The following CIBAR2 variants were observed in gnomAD, a reference collection of about 807,000 sequenced individuals.
The protein encoded by CIBAR2 is CBY1-interacting BAR domain-containing protein 2.
Under a neutral mutation model 36.2 loss-of-function variants are expected in CIBAR2, and 38 were observed. That is an observed-to-expected ratio of 1.05 (90% CI 0.81 to 1.38). The LOEUF (loss-of-function observed/expected upper bound fraction) is 1.38. Among genes scored for constraint, CIBAR2 ranks in the 40% most tolerant of loss-of-function variants. The pLI is 0.00. For synonymous variants in CIBAR2, 182 were observed against 149.5 expected, an observed-to-expected ratio of 1.22 and a Z score of -1.58; for missense variants, 481 against 383.4, an observed-to-expected ratio of 1.25 and a Z score of -2.13.
intron 6 of CIBAR2, among the ~76,000 whole-genome samples, chr16:85,104,651 G>C (rs537976836): frequency 2.7e-4 from 41 of 152,276 alleles, no homozygotes; most frequent in African/African-American, 9.9e-4. Flanking sequence ...GGGAGGCGAA[G>C]GTTGCAGTGA....
intron 7 of CIBAR2, among the ~76,000 whole-genome samples, chr16:85,100,994 C>T (rs912197053): frequency 6.0e-5 from 9 of 151,140 alleles, no homozygotes; most frequent in South Asian, 2.1e-4. Flanking sequence ...TGCAGTGAGC[C>T]GAGATAGTGC....
In CIBAR2 at chr16:85,102,332, G is replaced by T. The variant is rs1377793440; in HGVS notation, c.538-5C>A. The T allele has an allele frequency of 1.3e-6, 2 of 1,567,814 alleles. No homozygotes were observed. Among genetic ancestry groups the T allele is most frequent in the African/African-American group, 2.7e-5 (2 of 73,928 alleles). On this transcript the variant is annotated splice_polypyrimidine_tract_variant and splice_region_variant and intron_variant, in intron 6 of 8. Transcript: ENST00000539556. ...TACAAAGTCACAAAAAAATTTCTGT[G>T]GGGAGAGAAACCCAAAGAATGTAAG...
intron 7 of CIBAR2, 151 bp downstream of exon 7, chr16:85,102,063 G>A (rs2073959647): frequency 1.7e-6 from 1 of 595,426 alleles, no homozygotes; most frequent in Non-Finnish European, 3.0e-6. Context: ...ACCCACCCAG[G>A]GGCAGATATT....
Position 85,108,122 on chromosome 16 carries a change from G to T in CIBAR2, c.256-23C>A, listed in dbSNP as rs1258278258. 4 of 1,593,182 alleles carry T rather than the reference G, an allele frequency of 2.5e-6. No individual in the cohort carries two copies. The African/African-American group carries it at 5.4e-5, about 21-fold the overall frequency. ...GACCTGGGGGAGCGGGGACACCAGG[G>T]GATCTGAGCGCAGGGTGCTGCCTGC... On this transcript the variant is annotated intron_variant, in intron 2 of 8. Coordinates refer to ENST00000539556, the MANE Select transcript of CIBAR2 (RefSeq NM_198491.3).
chr16:85,101,581 G>A (rs545264026), intron 7 of CIBAR2, among the ~76,000 whole-genome samples: 2 of 152,180 alleles, frequency 1.3e-5, no homozygotes, highest in Admixed American at 6.5e-5. Context: ...GATCAGAAGG[G>A]GATAAAAAGC....
In CIBAR2 at chr16:85,112,450, T is replaced by C; in HGVS notation, c.-98A>G. Reference sequence around the variant, plus strand: ...GGAGCCGGGCAGGGCTGGGTGCAGCTGTGTGGCCTGGGCTCAAGGGACGCT... The same window carrying C: ...GGAGCCGGGCAGGGCTGGGTGCAGCCGTGTGGCCTGGGCTCAAGGGACGCT... On this transcript the variant is annotated 5_prime_UTR_variant, in exon 1 of 9. Coordinates refer to ENST00000539556, the MANE Select transcript of CIBAR2 (RefSeq NM_198491.3). 2 of 1,265,706 alleles carry C rather than the reference T, an allele frequency of 1.6e-6. No homozygotes were observed. The highest frequency in any genetic ancestry group is 4.6e-5 in the East Asian group (2 of 43,184). 78.4% of individuals were successfully genotyped at this position (1,265,706 alleles called of 1,614,324 possible).
Position 85,110,453 on chromosome 16 carries a change from G to T in CIBAR2, c.28C>A (p.Gln10Lys). The part of the protein sequence containing the change: MNIVFSRDS[Q>K]VRVMENTVAN... ...ACGGTATTCTCCATCACCCTCACCT[G>T]GCTGTCCCTGTGGAGGCGGGGACCT... The change falls in exon 2 of 9, where the codon CAG (glutamine) becomes AAG (lysine). Residue 10 changes from glutamine (Q) to lysine (K), a missense_variant. Physicochemically the swap from Gln to Lys is moderately conservative, Grantham distance 53. Transcript: ENST00000539556. 1 of 1,595,216 alleles carries T rather than the reference G, an allele frequency of 6.3e-7. No individual in the cohort carries two copies. The highest frequency in any genetic ancestry group is 2.3e-5 in the East Asian group (1 of 44,436).
intron 8 of CIBAR2, among the ~76,000 whole-genome samples, chr16:85,099,933 G>A (rs961150541): frequency 2.7e-5 from 4 of 150,346 alleles, no homozygotes; most frequent in Non-Finnish European, 2.9e-5. Context: ...ATGAGCCACC[G>A]TGCCCAGCTT....
rs147736698 is a variant in CIBAR2, at chr16:85,100,787, C to T, written c.652-547G>A. Among the ~76,000 whole-genome samples, 784 of 152,306 alleles carry T rather than the reference C, an allele frequency of 5.1e-3. 6 individuals carry two copies. The highest frequency in any genetic ancestry group is 0.018 in the African/African-American group (739 of 41,568). ...TGAGTGCCGGGCGCGGTGGCTCACA[C>T]CTGTAATCCCAGCACTTTGGGAGGC... On this transcript the variant is annotated intron_variant, in intron 7 of 8. Transcript: ENST00000539556.
intron 2 of CIBAR2, among the ~76,000 whole-genome samples, chr16:85,109,583 G>A (rs913243023): frequency 2.0e-5 from 3 of 152,190 alleles, no homozygotes; most frequent in Non-Finnish European, 4.4e-5. Flanking sequence ...GAGTGCAGAG[G>A]CATGATCATG....
chr16:85,112,309 C>T (rs778340532), intron 1 of CIBAR2, 24 bp downstream of exon 1: 3 of 1,613,304 alleles, frequency 1.9e-6, no homozygotes, highest in Non-Finnish European at 2.5e-6. Flanking sequence ...TCCCTCACAG[C>T]CAGGCTGGCG....
chr16:85,102,373 G>A (rs1038686320), intron 6 of CIBAR2, 46 bp from the exon 7 acceptor site: 5 of 1,219,642 alleles, frequency 4.1e-6, no homozygotes, highest in Non-Finnish European at 6.1e-6. Context: ...CAGTGAGAAA[G>A]AGCCCAGGGA....
rs779776033 is a variant in CIBAR2 at position 85,110,433 on chromosome 16, A to G, written c.48T>C (p.Asn16=). 6.2e-7 allele frequency: 1 copy of G among 1,608,952 alleles called. No individual in the cohort carries two copies. The highest frequency in any genetic ancestry group is 8.5e-7 in the Non-Finnish European group (1 of 1,177,056). Residue 16 remains asparagine (N), a synonymous_variant, in exon 2 of 9, where the codon AAT becomes AAC. Coordinates refer to ENST00000539556, the MANE Select transcript of CIBAR2 (RefSeq NM_198491.3). ...SRDSQVRVME[N]TVANTEKYFG... ...AGTACTTCTCGGTGTTGGCCACGGT[A>G]TTCTCCATCACCCTCACCTGGCTGT...
At chr16:85,108,319 C>G (rs1287355490) in intron 2 of CIBAR2, among the ~76,000 whole-genome samples, 1 of 152,216 alleles carries the variant, frequency 6.6e-6, no homozygotes, top group East Asian at 1.9e-4. Context: ...CATTCAGTCT[C>G]TCGAAGCCTC....
rs113425340 is a variant in CIBAR2, at chr16:85,106,949, C to T, written c.432+718G>A. Among the ~76,000 whole-genome samples the T allele has an allele frequency of 9.0e-3, 1,363 of 152,218 alleles. 24 individuals carry two copies. The highest frequency in any genetic ancestry group is 0.024 in the African/African-American group (997 of 41,514). ...TCGCCTGAGGTCAGGAGTTCAAGAC[C>T]AGCCTGGCCAACATGGCAAAACCCC... On this transcript the variant is annotated intron_variant, in intron 5 of 8. Coordinates refer to ENST00000539556, the MANE Select transcript of CIBAR2 (RefSeq NM_198491.3).
chr16:85,109,211 G>C (rs62051661), intron 2 of CIBAR2, among the ~76,000 whole-genome samples: 22,519 of 152,094 alleles, frequency 0.15, 2,052 homozygotes, highest in Middle Eastern at 0.23. Context: ...AGGAGTTCAA[G>C]ACCAGCCTGG....
intron 6 of CIBAR2, 106 bp from the exon 7 acceptor site, chr16:85,102,433 G>A: frequency 1.4e-6 from 1 of 717,562 alleles, no homozygotes; most frequent in Non-Finnish European, 2.5e-6. Context: ...CTGTCCGTGT[G>A]GGGACAGGCC....
At position 85,099,199 on chromosome 16, in the gene CIBAR2, C is replaced by T. The variant is rs772948517; in HGVS notation, c.901G>A (p.Gly301Arg). Residue 301 changes from glycine (G) to arginine (R), a missense_variant, in exon 9 of 9, where the codon GGA becomes AGA. Physicochemically the swap from Gly to Arg is moderately radical, Grantham distance 125 (BLOSUM62 -2). Coordinates refer to ENST00000539556, the MANE Select transcript of CIBAR2 (RefSeq NM_198491.3). ...CGQGGHLMLP[G>R]HSL ...ACCCTACGTCGTTAGAGAGAATGTC[C>T]TGGAAGCATGAGATGCCCACCCTGC... The T allele has an allele frequency of 1.8e-5, 29 of 1,591,922 alleles. No homozygotes were observed. Among genetic ancestry groups the T allele is most frequent in the Non-Finnish European group, 8.5e-6 (10 of 1,170,266 alleles).
Position 85,098,377 on chromosome 16 carries a change from A to G in CIBAR2, c.*808T>C. The G allele has an allele frequency of 4.8e-6, 1 of 208,152 alleles. No individual in the cohort carries two copies. Among genetic ancestry groups the G allele is most frequent in the Non-Finnish European group, 8.4e-6 (1 of 119,054 alleles). The allele number at this position is 208,152 out of a possible 1,614,324, so 12.9% of individuals were successfully genotyped here. On this transcript the variant is annotated 3_prime_UTR_variant, in exon 9 of 9. Coordinates refer to ENST00000539556, the MANE Select transcript of CIBAR2 (RefSeq NM_198491.3). Reference sequence around the variant, plus strand: ...TCAAGCTGAGAGTCACAGGGCATTTATTGAACACCTACTATATGCCAGGCA... The same window carrying G: ...TCAAGCTGAGAGTCACAGGGCATTTGTTGAACACCTACTATATGCCAGGCA...
Sources: allele counts gnomAD v4.1 joint callset (sites outside exome capture counted in the v4.1 genomes callset), GRCh38; gene constraint gnomAD v4.1.1; transcripts MANE v1.5; gene names NCBI Gene and HGNC (gene_info 2026-07-23, HGNC 2026-07-21).